Variants in MARCHF10 observed in about 807,000 individuals in gnomAD.
The protein encoded by MARCHF10 is probable E3 ubiquitin-protein ligase MARCHF10.
In MARCHF10, 64 loss-of-function variants were observed where a neutral mutation model predicts 76.2. The ratio of observed to expected loss-of-function variants is 0.84; its 90% CI spans 0.69 to 1.03. The LOEUF (loss-of-function observed/expected upper bound fraction) is 1.03, where lower values mean the gene tolerates loss of function less well. Ranked by LOEUF, MARCHF10 falls within the 50% of genes least tolerant of loss-of-function variation. The probability of loss-of-function intolerance (pLI) is 0.00; values close to 1 mark genes in which losing one functional copy is unlikely to be tolerated. For missense variants in MARCHF10, 875 were observed against 958.0 expected (o/e 0.91, Z 1.14); for synonymous variants, 340 against 357.5 (o/e 0.95, Z 0.55).
chr17:62,762,793 G>A (rs769990848), intron 3 of MARCHF10, among the ~76,000 whole-genome samples: 17 of 152,166 alleles, frequency 1.1e-4, no homozygotes, highest in Admixed American at 6.5e-4. Flanking sequence ...CAAGCCGCCC[G>A]CCTTGGCCTC....
At chr17:62,773,051 G>A (rs968054626) in intron 3 of MARCHF10, among the ~76,000 whole-genome samples, 1 of 152,064 alleles carries the variant, frequency 6.6e-6, no homozygotes, top group African/African-American at 2.4e-5. Context: ...GGGGATCTAG[G>A]GAGTTCACCA....
chr17:62,781,264 T>C (rs2092653456), intron 3 of MARCHF10, among the ~76,000 whole-genome samples: 2 of 152,202 alleles, frequency 1.3e-5, no homozygotes, highest in Non-Finnish European at 2.9e-5. Context: ...CCTCCACCAA[T>C]ACCTGTTGGA....
intron 3 of MARCHF10, among the ~76,000 whole-genome samples, chr17:62,771,856 C>T (rs531400809): frequency 4.2e-4 from 64 of 152,254 alleles, no homozygotes; most frequent in Non-Finnish European, 7.5e-4. Context: ...GGATTACAGG[C>T]GCAAGCCACC....
chr17:62,803,681 G>A lies in MARCHF10; in HGVS notation c.-17-1929C>T, dbSNP rs141511205. The stretch of plus-strand genomic sequence containing the variant: ...ATTACAGGCACGTGCCACCACACCC[G>A]GCTAATTTTTTATTAGTAGAGGCGA... On this transcript the variant is annotated intron_variant, in intron 1 of 10. Transcript: ENST00000311269. Among the ~76,000 whole-genome samples the A allele has an allele frequency of 3.1e-3, 467 of 152,150 alleles. 1 individual carries two copies. Among genetic ancestry groups the A allele is most frequent in the African/African-American group, 0.011 (448 of 41,508 alleles).
chr17:62,770,851 CT>C (rs35064058), intron 3 of MARCHF10, among the ~76,000 whole-genome samples: 539 of 83,586 alleles, frequency 6.4e-3, no homozygotes, highest in African/African-American at 0.023. Flanking sequence ...TGTATTTTGA[CT>C]TTTTTTTTTT....
At chr17:62,741,635 A>T (rs1289663244) in intron 5 of MARCHF10, among the ~76,000 whole-genome samples, 1 of 152,242 alleles carries the variant, frequency 6.6e-6, no homozygotes, top group Non-Finnish European at 1.5e-5. Flanking sequence ...CTTTTTAAAA[A>T]ATATGACCTA....
intron 3 of MARCHF10, among the ~76,000 whole-genome samples, chr17:62,777,195 T>C (rs2092567916): frequency 6.6e-6 from 1 of 152,172 alleles, no homozygotes; most frequent in South Asian, 2.1e-4. Flanking sequence ...TCCTAAAACA[T>C]TCTTGCAATC....
intron 3 of MARCHF10, among the ~76,000 whole-genome samples, chr17:62,775,100 A>G (rs777713644): frequency 1.3e-5 from 2 of 149,462 alleles, no homozygotes; most frequent in Admixed American, 6.6e-5. Context: ...TGCATCCTCT[A>G]TGAAGCTTTC....
chr17:62,775,354 G>A (rs1203760036), intron 3 of MARCHF10, among the ~76,000 whole-genome samples: 10 of 151,954 alleles, frequency 6.6e-5, no homozygotes, highest in African/African-American at 9.7e-5. Flanking sequence ...TTGAACTCCC[G>A]ACCTCAGGTG....
intron 1 of MARCHF10, among the ~76,000 whole-genome samples, chr17:62,803,584 ATC>A (rs1246154130): frequency 6.6e-6 from 1 of 152,056 alleles, no homozygotes; most frequent in Non-Finnish European, 1.5e-5. Flanking sequence ...CCGTGGGGCT[ATC>A]TCGGCTCACC....
chr17:62,783,511 G>T (rs2092698234), intron 3 of MARCHF10, among the ~76,000 whole-genome samples: 1 of 152,014 alleles, frequency 6.6e-6, no homozygotes, highest in Non-Finnish European at 1.5e-5. Flanking sequence ...CAGAAGGCAA[G>T]AAATAACTAA....
chr17:62,719,764 C>G (rs963675458), intron 8 of MARCHF10, among the ~76,000 whole-genome samples: 5 of 152,118 alleles, frequency 3.3e-5, no homozygotes, highest in Non-Finnish European at 5.9e-5. Context: ...GTTCCTTTCT[C>G]TCTTTATTCT....
chr17:62,752,361 T>C (rs1404400920), intron 4 of MARCHF10, among the ~76,000 whole-genome samples: 1 of 152,162 alleles, frequency 6.6e-6, no homozygotes, highest in Non-Finnish European at 1.5e-5. Context: ...GAGTGCTCTG[T>C]TGGGCAGGAG....
chr17:62,741,881 G>C (rs1487317858), intron 5 of MARCHF10, among the ~76,000 whole-genome samples: 1 of 151,780 alleles, frequency 6.6e-6, no homozygotes, highest in African/African-American at 2.4e-5. Context: ...TGTATTTTTA[G>C]TAGAGATGGG....
intron 7 of MARCHF10, 112 bp downstream of exon 7, chr17:62,724,826 C>G: frequency 8.7e-7 from 1 of 1,150,560 alleles, no homozygotes; most frequent in South Asian, 1.4e-5. Flanking sequence ...GTCCCTGAGT[C>G]GCTGTTCTGC....
rs891701478 is a variant in MARCHF10 at position 62,738,099 on chromosome 17, C to CACACACACACACA, written c.536-768_536-767insTGTGTGTGTGTGT. Among the ~76,000 whole-genome samples the CACACACACACACA allele has an allele frequency of 2.0e-5, 3 of 151,140 alleles. No homozygotes were observed. Among genetic ancestry groups the CACACACACACACA allele is most frequent in the Non-Finnish European group, 4.4e-5 (3 of 67,774 alleles). ...ACACACACACACACACACACACACA[C>CACACACACACACA]AACTTAAGCCTCACAACCCTGTGAA... On this transcript the variant is annotated intron_variant, in intron 5 of 10. Transcript: ENST00000311269. This position sits in a 1 kb window ranked among gnomAD's most constrained non-coding sequence, Gnocchi z 4.0.
chr17:62,745,490 C>T (rs1208232853), intron 4 of MARCHF10, among the ~76,000 whole-genome samples: 4 of 152,130 alleles, frequency 2.6e-5, no homozygotes, highest in Non-Finnish European at 4.4e-5. Context: ...AGTTGGGACA[C>T]GCAATGGCCC....
intron 3 of MARCHF10, among the ~76,000 whole-genome samples, chr17:62,760,269 T>C (rs2092163520): frequency 6.6e-6 from 1 of 152,232 alleles, no homozygotes; most frequent in Non-Finnish European, 1.5e-5. Context: ...TAGAACGTTA[T>C]GAAAAGAATG....
At chr17:62,750,299 A>G (rs2286567) in intron 4 of MARCHF10, 110,109 of 154,462 alleles carry the variant, frequency 0.71, 40,271 homozygotes, top group African/African-American at 0.89. Flanking sequence ...GTAGCACAGC[A>G]CGGCGGGGGA....
Sources: allele counts gnomAD v4.1 joint callset (sites outside exome capture counted in the v4.1 genomes callset), GRCh38; gene constraint gnomAD v4.1.1; non-coding constraint Gnocchi (gnomAD v3.1); transcripts MANE v1.5; gene names NCBI Gene and HGNC (gene_info 2026-07-23, HGNC 2026-07-21).